Variants in MTRF1 observed in about 807,000 individuals in gnomAD.
MTRF1 encodes mitochondrial translation release factor 1, also known as peptide chain release factor 1, mitochondrial.
A neutral mutation model predicts 62.9 loss-of-function variants in MTRF1; 51 were observed. The ratio of observed to expected loss-of-function variants is 0.81; its 90% confidence interval spans 0.65 to 1.02. MTRF1 has a LOEUF of 1.02. Among genes scored for constraint, MTRF1 ranks in the 50% least tolerant of loss-of-function variants. The pLI is 0.00. For synonymous variants in MTRF1, 158 were observed against 181.9 expected, an observed-to-expected ratio of 0.87 and a Z score of 1.06; for missense variants, 446 against 530.0, an observed-to-expected ratio of 0.84 and a Z score of 1.56.
the MTRF1 span, among the ~76,000 whole-genome samples, chr13:41,309,276 A>G: frequency 3.5e-3 from 535 of 151,478 alleles, 3 homozygotes; most frequent in African/African-American, 0.012. Flanking sequence ...CCCAGGCTCA[A>G]TTGATCCTCG....
the MTRF1 span, among the ~76,000 whole-genome samples, chr13:41,270,007 GA>G: frequency 6.6e-6 from 1 of 152,190 alleles, no homozygotes; most frequent in Non-Finnish European, 1.5e-5. Flanking sequence ...CACAAGATTA[GA>G]AATTATAGTA....
chr13:41,228,207 G>A lies in MTRF1; in HGVS notation c.989-1639C>T, dbSNP rs185700307. ...ATTTTATTATAATGTACTTTCTATA[G>A]AGGAGTATTTAATAATGAGTACTCC... On this transcript the variant is annotated intron_variant, in intron 7 of 9. Coordinates refer to ENST00000379480, the MANE Select transcript of MTRF1 (RefSeq NM_004294.4). Among the ~76,000 whole-genome samples the A allele has an allele frequency of 2.0e-3, 306 of 152,202 alleles. 3 individuals carry two copies. The highest frequency in any genetic ancestry group is 7.1e-3 in the African/African-American group (296 of 41,504).
intron 7 of MTRF1, among the ~76,000 whole-genome samples, chr13:41,231,322 A>C (rs571260811): frequency 6.6e-6 from 1 of 152,238 alleles, no homozygotes; most frequent in African/African-American, 2.4e-5. Flanking sequence ...GGCTAAATAC[A>C]GAAAGCCTAT....
At chr13:41,280,174 A>G in the MTRF1 span, among the ~76,000 whole-genome samples, 1 of 152,076 alleles carries the variant, frequency 6.6e-6, no homozygotes, top group Non-Finnish European at 1.5e-5. Flanking sequence ...TGACCTTGTG[A>G]TCCGCCCACC....
upstream of MTRF1, among the ~76,000 whole-genome samples, chr13:41,265,789 C>G (rs979881442): frequency 6.6e-6 from 1 of 152,136 alleles, no homozygotes; most frequent in East Asian, 1.9e-4. Flanking sequence ...TTCCCAATCT[C>G]GCAAGAGGCT....
At chr13:41,230,156 A>C (rs2035268807) in intron 7 of MTRF1, among the ~76,000 whole-genome samples, 1 of 151,580 alleles carries the variant, frequency 6.6e-6, no homozygotes, top group Admixed American at 6.6e-5. Flanking sequence ...GCATATTTTT[A>C]TATGTACAGA....
chr13:41,264,400 T>A (rs958300795), upstream of MTRF1, among the ~76,000 whole-genome samples: 1 of 152,226 alleles, frequency 6.6e-6, no homozygotes. Flanking sequence ...AATGCAAGCA[T>A]ATTGTCCTAC....
At chr13:41,268,953 T>C in the MTRF1 span, among the ~76,000 whole-genome samples, 1 of 151,746 alleles carries the variant, frequency 6.6e-6, no homozygotes, top group Non-Finnish European at 1.5e-5. Flanking sequence ...ATAAATCCTA[T>C]TCTTGTGACT....
intron 2 of MTRF1, among the ~76,000 whole-genome samples, chr13:41,259,712 A>AAAAAAACAAAAAAAAAAAAAC (rs1555268025): frequency 0.028 from 3,873 of 135,908 alleles, 139 homozygotes; most frequent in Non-Finnish European, 0.045. Flanking sequence ...AAAAAAAAAA[A>AAAAAAACAAAAAAAAAAAAAC]AAAAAAAAAC....
At chr13:41,252,822 T>C (rs916184018) in intron 4 of MTRF1, 70 bp from the exon 5 acceptor site, 2 of 1,415,728 alleles carry the variant, frequency 1.4e-6, no homozygotes, top group Admixed American at 3.7e-5. Flanking sequence ...CTAAGTCCTT[T>C]AGGAAATAAA....
At chr13:41,226,131 A>G (rs1235677234) in intron 8 of MTRF1, among the ~76,000 whole-genome samples, 2 of 152,228 alleles carry the variant, frequency 1.3e-5, no homozygotes, top group African/African-American at 4.8e-5. Flanking sequence ...ATTCTCAAAG[A>G]ATTATTTGTC....
the MTRF1 span, among the ~76,000 whole-genome samples, chr13:41,274,385 T>G: frequency 6.6e-6 from 1 of 152,196 alleles, no homozygotes; most frequent in Non-Finnish European, 1.5e-5. Flanking sequence ...TTGTTCATAC[T>G]GCTAAAGCAT....
chr13:41,249,076 G>C (rs1013762653), intron 5 of MTRF1, among the ~76,000 whole-genome samples: 3 of 134,578 alleles, frequency 2.2e-5, no homozygotes, highest in African/African-American at 7.8e-5. Context: ...AGCTTTTAGT[G>C]CTATGTGAAT....
intron 6 of MTRF1, among the ~76,000 whole-genome samples, chr13:41,237,028 G>A (rs1219173612): frequency 6.6e-6 from 1 of 152,018 alleles, no homozygotes; most frequent in Non-Finnish European, 1.5e-5. Context: ...AGACCAGCCT[G>A]AGCAACATGG....
At chr13:41,290,169 TCACTG>T in the MTRF1 span, among the ~76,000 whole-genome samples, 1 of 140,914 alleles carries the variant, frequency 7.1e-6, no homozygotes, top group Non-Finnish European at 1.5e-5. Context: ...CAATCTCGGC[TCACTG>T]CAACCTCCGC....
In MTRF1 at chr13:41,219,901, G is replaced by A. The variant is rs2032860040; in HGVS notation, c.1225-2673C>T. Among the ~76,000 whole-genome samples the A allele has an allele frequency of 3.3e-5, 5 of 149,714 alleles. No individual in the cohort carries two copies. The South Asian group carries it at 1.1e-3, about 31-fold the overall frequency. Reference sequence around the variant, plus strand: ...TAATCCCAGCTATTCCAGAGGCTGAGGCAGGAGAATCGCTTGAACCCAGCA... The same window carrying A: ...TAATCCCAGCTATTCCAGAGGCTGAAGCAGGAGAATCGCTTGAACCCAGCA... On this transcript the variant is annotated intron_variant, in intron 9 of 9. Transcript: ENST00000379480.
At chr13:41,289,365 G>A in the MTRF1 span, among the ~76,000 whole-genome samples, 2 of 151,838 alleles carry the variant, frequency 1.3e-5, no homozygotes, top group Non-Finnish European at 2.9e-5. Flanking sequence ...AGCCTCCCAG[G>A]TAGCTGGGGT....
the MTRF1 span, among the ~76,000 whole-genome samples, chr13:41,273,744 G>A: frequency 1.3e-5 from 2 of 152,124 alleles, no homozygotes; most frequent in Non-Finnish European, 2.9e-5. Flanking sequence ...GGCTGAGGCA[G>A]GAGAATCGCT....
intron 7 of MTRF1, 23 bp from the exon 8 acceptor site, chr13:41,226,591 A>C: frequency 1.2e-6 from 2 of 1,612,072 alleles, no homozygotes; most frequent in Non-Finnish European, 1.7e-6. Flanking sequence ...AGGGATCAGA[A>C]GGTAAACTGT....
Sources: gnomAD v4.1 joint callset for allele counts (sites outside exome capture counted in the v4.1 genomes callset) on GRCh38, gnomAD v4.1.1 for gene constraint, MANE v1.5 for transcripts, NCBI Gene and HGNC (gene_info 2026-07-23, HGNC 2026-07-21) for gene names.